Variants in PFKP observed in about 807,000 individuals in gnomAD.
PFKP encodes ATP-dependent 6-phosphofructokinase, platelet type.
Under a neutral mutation model 94.3 loss-of-function variants are expected in PFKP, and 101 were observed. The observed-to-expected ratio is 1.07, with a 90% confidence interval of 0.91 to 1.26. PFKP has a LOEUF of 1.26. Among genes scored for constraint, PFKP ranks in the 50% most tolerant of loss-of-function variants. The probability of loss-of-function intolerance (pLI) is 0.00; values close to 1 mark genes in which losing one functional copy is unlikely to be tolerated. For synonymous variants in PFKP, 573 were observed against 432.6 expected (o/e 1.32, Z -4.03); for missense variants, 1,145 against 1,103.3 (o/e 1.04, Z -0.53).
At chr10:3,134,282 T>A (rs985758999) in intron 19 of PFKP, among the ~76,000 whole-genome samples, 2 of 152,192 alleles carry the variant, frequency 1.3e-5, no homozygotes, top group East Asian at 1.9e-4. Flanking sequence ...AAAATCCTCA[T>A]CTTACTGAGC....
chr10:3,134,464 T>C lies in PFKP; in HGVS notation c.2023-19T>C, dbSNP rs1339621882. The stretch of plus-strand genomic sequence containing the variant: ...GTTACTGTATAACTGGTATTTCATA[T>C]AACTCTAACCACCAACAGGGTGGGG... On this transcript the variant is annotated intron_variant, in intron 19 of 21. Coordinates refer to ENST00000381125, the MANE Select transcript of PFKP (RefSeq NM_002627.5). 4.2e-6 allele frequency: 6 copies of C among 1,441,442 alleles called. No individual in the cohort carries two copies. The highest frequency in any genetic ancestry group is 4.9e-6 in the Non-Finnish European group (5 of 1,023,494). The allele number at this position is 1,441,442 out of a possible 1,614,324, so 89.3% of individuals were successfully genotyped here.
intron 3 of PFKP, among the ~76,000 whole-genome samples, chr10:3,100,016 G>A (rs1346951688): frequency 6.6e-6 from 1 of 151,082 alleles, no homozygotes; most frequent in African/African-American, 2.4e-5. Context: ...CTGTGTGTGG[G>A]GTGTGTGTAT....
At chr10:3,094,629 G>C (rs887160048) in intron 2 of PFKP, among the ~76,000 whole-genome samples, 4 of 152,144 alleles carry the variant, frequency 2.6e-5, no homozygotes, top group African/African-American at 9.7e-5. Flanking sequence ...CCTAGAGACA[G>C]GATAAAGCCA....
chr10:3,092,319 C>G (rs1834108994), intron 2 of PFKP, among the ~76,000 whole-genome samples: 1 of 152,168 alleles, frequency 6.6e-6, no homozygotes, highest in Non-Finnish European at 1.5e-5. Context: ...CATCATGCTT[C>G]CCTTCTTTAG....
chr10:3,136,363 G>A (rs1036167748), intron 21 of PFKP, 87 bp from the exon 22 acceptor site: 13 of 1,431,722 alleles, frequency 9.1e-6, no homozygotes, highest in Middle Eastern at 2.1e-4. Context: ...CTGTGTTTCT[G>A]GCAAGACCGC....
At position 3,113,099 on chromosome 10, in the gene PFKP, A is replaced by C; in HGVS notation, c.1155-20A>C. ...GTCCGGTATTCTCGACTCCGGTCCA[A>C]CGACACCCTTTTCCTTTAGGAGCTT... is the stretch of plus-strand genomic sequence containing the variant. On this transcript the variant is annotated intron_variant, in intron 11 of 21. Coordinates refer to ENST00000381125, the MANE Select transcript of PFKP (RefSeq NM_002627.5). 6.2e-7 allele frequency: 1 copy of C among 1,610,010 alleles called. No homozygotes were observed. Among genetic ancestry groups the C allele is most frequent in the Non-Finnish European group, 8.5e-7 (1 of 1,178,236 alleles).
In PFKP at chr10:3,101,451, C is replaced by T. The variant is rs4881080; in HGVS notation, c.351C>T (p.Arg117=). The change falls in exon 4 of 22, where the codon CGC becomes CGT. Residue 117 remains arginine, a synonymous_variant. Coordinates refer to ENST00000381125, the MANE Select transcript of PFKP (RefSeq NM_002627.5). ...AGGCTGCTTGCAACCTGCTGCAGCG[C>T]GGCATCACCAACCTGTGTGTGATCG... ...RLKAACNLLQ[R]GITNLCVIGG... 300 of 1,609,898 alleles carry T rather than the reference C, an allele frequency of 1.9e-4. No individual in the cohort carries two copies. Among genetic ancestry groups the T allele is most frequent in the African/African-American group, 7.7e-4 (58 of 74,960 alleles).
In PFKP at chr10:3,112,233, G is replaced by T; in HGVS notation, c.1101G>T (p.Val367=). Residue 367 remains valine, a synonymous_variant, in exon 11 of 22, where the codon GTG becomes GTT. Transcript: ENST00000381125. ...LMECVQMTQD[V]QKAMDERRFQ... is the part of the protein sequence containing the mutation. Reference sequence around the variant, plus strand: ...CATTGTTTTAAAAGACTCAGGATGTGCAGAAGGCGATGGACGAGAGGAGAT... The same window carrying T: ...CATTGTTTTAAAAGACTCAGGATGTTCAGAAGGCGATGGACGAGAGGAGAT... 1 of 1,613,428 alleles carries T rather than the reference G, an allele frequency of 6.2e-7. No homozygotes were observed. The highest frequency in any genetic ancestry group is 1.1e-5 in the South Asian group (1 of 91,072).
rs375787079 is a variant in PFKP, at chr10:3,116,713, A to G, written c.1372-63A>G. ...TTGAAAAGTACAGAAAGCTATTTTT[A>G]GCACTTTGCAACTTGCCTTTCATTG... On this transcript the variant is annotated intron_variant, in intron 13 of 21. Transcript: ENST00000381125. 774 of 1,221,038 alleles carry G rather than the reference A, an allele frequency of 6.3e-4. 1 individual carries two copies. The highest frequency in any genetic ancestry group is 8.3e-4 in the Non-Finnish European group (679 of 820,672). 75.6% of individuals were successfully genotyped at this position (1,221,038 alleles called of 1,614,324 possible).
chr10:3,126,419 C>T (rs1011349910), intron 16 of PFKP, among the ~76,000 whole-genome samples: 1 of 152,256 alleles, frequency 6.6e-6, no homozygotes. Context: ...AGGGTCCGGC[C>T]ATCGCTGGCT....
chr10:3,076,815 A>G (rs952905302), intron 1 of PFKP, among the ~76,000 whole-genome samples: 1 of 152,084 alleles, frequency 6.6e-6, no homozygotes, highest in Non-Finnish European at 1.5e-5. Context: ...TGACCCTACT[A>G]GAAGACACGG....
At chr10:3,117,180 C>T (rs1229887907) in intron 14 of PFKP, among the ~76,000 whole-genome samples, 1 of 152,212 alleles carries the variant, frequency 6.6e-6, no homozygotes, top group Non-Finnish European at 1.5e-5. Flanking sequence ...GTGGAGATGG[C>T]ACTCTAAGCA....
chr10:3,125,959 C>G (rs915228599), intron 16 of PFKP, among the ~76,000 whole-genome samples: 2 of 152,198 alleles, frequency 1.3e-5, no homozygotes, highest in African/African-American at 4.8e-5. Context: ...GTGACTTGGC[C>G]ACCTGGTGCG....
chr10:3,116,517 A>C (rs567209665), intron 13 of PFKP, among the ~76,000 whole-genome samples: 1 of 152,274 alleles, frequency 6.6e-6, no homozygotes, highest in African/African-American at 2.4e-5. Context: ...TGTATCTCAC[A>C]CGTGGCTCAG....
chr10:3,076,395 C>T (rs972993491), intron 1 of PFKP, among the ~76,000 whole-genome samples: 2 of 152,128 alleles, frequency 1.3e-5, no homozygotes, highest in African/African-American at 2.4e-5. Context: ...CCCGCCCCAG[C>T]CCCTCTGCTA....
Position 3,134,566 on chromosome 10 carries a change from G to C in PFKP, c.2106G>C (p.Lys702Asn). ...RAMEWITAKL[K>N]EARGRGKKFT... is the part of the protein sequence containing the mutation. ...TGGAGTGGATCACTGCAAAACTCAA[G>C]GAGGCCCGGGGCAGAGGTAAGGGGT... The change falls in exon 20 of 22, where the codon AAG becomes AAC. Residue 702 changes from lysine (K) to asparagine (N), a missense_variant. Physicochemically the swap from Lys to Asn is moderately conservative, Grantham distance 94 (BLOSUM62 0). Around this residue, in one of 3 missense-constraint regions of PFKP, gnomAD observed 1,119 missense variants for 1,062.8 expected, o/e 1.05. Coordinates refer to ENST00000381125, the MANE Select transcript of PFKP (RefSeq NM_002627.5). The C allele has an allele frequency of 6.2e-7, 1 of 1,612,700 alleles. No homozygotes were observed. Among genetic ancestry groups the C allele is most frequent in the Non-Finnish European group, 8.5e-7 (1 of 1,178,792 alleles).
At position 3,082,256 on chromosome 10, in the gene PFKP, T is replaced by C. The variant is rs1449687566; in HGVS notation, c.113-132T>C. The C allele has an allele frequency of 8.8e-6, 5 of 568,276 alleles. No individual in the cohort carries two copies. The Admixed American group carries it at 9.1e-5, about 10-fold the overall frequency. 35.2% of individuals were successfully genotyped at this position (568,276 alleles called of 1,614,324 possible). On this transcript the variant is annotated intron_variant, in intron 1 of 21. Coordinates refer to ENST00000381125, the MANE Select transcript of PFKP (RefSeq NM_002627.5). ...CTTACCCTAATCCCAGAGGAGTGTG[T>C]GTACCCATTTCTCATATTAGGAAAT... is the stretch of plus-strand genomic sequence containing the variant.
chr10:3,128,961 G>C (rs535562641), intron 16 of PFKP: 2 of 152,442 alleles, frequency 1.3e-5, no homozygotes, highest in Admixed American at 1.3e-4. Context: ...TCCCGACAAA[G>C]GCTTGATGTG....
rs140019908 is a variant in PFKP, at chr10:3,094,628, A to G, written c.187-4647A>G. On this transcript the variant is annotated intron_variant, in intron 2 of 21. Coordinates refer to ENST00000381125, the MANE Select transcript of PFKP (RefSeq NM_002627.5). ...CTCTGCCTCTGAATTTCCTAGAGAC[A>G]GGATAAAGCCACGATTCCTGGCCTT... Among the ~76,000 whole-genome samples, 904 of 152,296 alleles carry G rather than the reference A, an allele frequency of 5.9e-3. 10 individuals are homozygous for G. Among genetic ancestry groups the G allele is most frequent in the African/African-American group, 0.021 (864 of 41,560 alleles).
Sources: allele counts gnomAD v4.1 joint callset (sites outside exome capture counted in the v4.1 genomes callset), GRCh38; gene constraint gnomAD v4.1.1; regional missense constraint gnomAD v4.1.1; transcripts MANE v1.5; gene names NCBI Gene and HGNC (gene_info 2026-07-23, HGNC 2026-07-21).